Variants in SYT2 observed in about 807,000 individuals in gnomAD.
The protein encoded by SYT2 is synaptotagmin 2.
Under a neutral mutation model 39.9 loss-of-function variants are expected in SYT2, and 15 were observed. The ratio of observed to expected loss-of-function variants is 0.38; its 90% CI spans 0.25 to 0.58. SYT2 has a LOEUF of 0.58. Ranked by LOEUF, SYT2 falls within the 20% of genes least tolerant of loss-of-function variation. The probability of loss-of-function intolerance (pLI) is 0.70; values close to 1 mark genes in which losing one functional copy is unlikely to be tolerated. For missense variants in SYT2, 389 were observed against 530.3 expected (o/e 0.73, Z 2.62); for synonymous variants, 181 against 204.5 (o/e 0.89, Z 0.98).
chr1:202,641,493 T>C (rs970765477), intron 1 of SYT2, among the ~76,000 whole-genome samples: 2 of 152,184 alleles, frequency 1.3e-5, no homozygotes, highest in African/African-American at 4.8e-5. Context: ...AGCCTGTAAA[T>C]TAAACTCAGC....
rs1691265896 is a variant in SYT2, at chr1:202,623,744, C to G, written c.-17-17955G>C. On this transcript the variant is annotated intron_variant, in intron 1 of 8. Coordinates refer to ENST00000367268, the MANE Select transcript of SYT2 (RefSeq NM_177402.5). The surrounding 1 kb of genome is among the most constrained non-coding windows in gnomAD (Gnocchi z 4.2). ...GACGGGTAGGACTGTGGGGGTCTGCCCTGGTCGTGCTCCCAAGAGAGGCAC... is the reference window on the plus strand; with the variant it reads ...GACGGGTAGGACTGTGGGGGTCTGCGCTGGTCGTGCTCCCAAGAGAGGCAC... 6.6e-6 allele frequency among the ~76,000 whole-genome samples: 1 copy of G among 152,130 alleles called. No homozygotes were observed.
chr1:202,688,961 C>T (rs1034526503), intron 1 of SYT2, among the ~76,000 whole-genome samples: 1 of 152,142 alleles, frequency 6.6e-6, no homozygotes, highest in East Asian at 1.9e-4. Context: ...CTAGATGTGG[C>T]CTGCAGCTCC....
At chr1:202,685,550 C>G (rs1346017994) in intron 1 of SYT2, among the ~76,000 whole-genome samples, 1 of 152,182 alleles carries the variant, frequency 6.6e-6, no homozygotes, top group Admixed American at 6.5e-5. Flanking sequence ...GTTGACCCAG[C>G]TTCTTTCCCA....
intron 1 of SYT2, among the ~76,000 whole-genome samples, chr1:202,662,113 C>G (rs1342727842): frequency 6.6e-6 from 1 of 152,192 alleles, no homozygotes; most frequent in Non-Finnish European, 1.5e-5. Flanking sequence ...ACGGGACCCT[C>G]TGAGCAGAGT....
chr1:202,672,060 C>T (rs1022733216), intron 1 of SYT2, among the ~76,000 whole-genome samples: 4 of 152,092 alleles, frequency 2.6e-5, no homozygotes, highest in African/African-American at 9.7e-5. Flanking sequence ...GATAGGGGAA[C>T]GGCAGGTACT....
chr1:202,682,166 T>C (rs1653542545), intron 1 of SYT2, among the ~76,000 whole-genome samples: 1 of 152,178 alleles, frequency 6.6e-6, no homozygotes, highest in South Asian at 2.1e-4. Context: ...CCTGCCGTAT[T>C]TCTCCCCAGC....
At chr1:202,686,580 C>A (rs888353565) in intron 1 of SYT2, among the ~76,000 whole-genome samples, 1 of 152,152 alleles carries the variant, frequency 6.6e-6, no homozygotes, top group Admixed American at 6.5e-5. Flanking sequence ...TCAGGTCCTC[C>A]TGAGGGGCCA....
intron 1 of SYT2, among the ~76,000 whole-genome samples, chr1:202,686,434 A>G (rs1306133890): frequency 6.6e-6 from 1 of 152,182 alleles, no homozygotes; most frequent in African/African-American, 2.4e-5. Context: ...AGACAGACAG[A>G]CAGATAAGGT....
Position 202,614,767 on chromosome 1 carries a change from G to A in SYT2, c.-17-8978C>T, listed in dbSNP as rs1467875985. Among the ~76,000 whole-genome samples the A allele has an allele frequency of 2.6e-5, 4 of 152,218 alleles. No homozygotes were observed. Among genetic ancestry groups the A allele is most frequent in the Non-Finnish European group, 4.4e-5 (3 of 68,038 alleles). On this transcript the variant is annotated intron_variant, in intron 1 of 8. Transcript: ENST00000367268. The surrounding 1 kb of genome is among the most constrained non-coding windows in gnomAD (Gnocchi z 4.0). Reference sequence around the variant, plus strand: ...AGCACAGCCTATGCAAAGGCCCAGAGGTGGGATGCAGTGTGGTGAGTCCAA... The same window carrying A: ...AGCACAGCCTATGCAAAGGCCCAGAAGTGGGATGCAGTGTGGTGAGTCCAA...
At chr1:202,710,218 A>T (rs1654362215) in intron 1 of SYT2, 40 bp downstream of exon 1, 1 of 152,316 alleles carries the variant, frequency 6.6e-6, no homozygotes, top group African/African-American at 2.4e-5. Flanking sequence ...AACTTTGGAG[A>T]GGGAGGTCCG....
At chr1:202,665,064 A>G (rs1191871661) in intron 1 of SYT2, among the ~76,000 whole-genome samples, 4 of 152,166 alleles carry the variant, frequency 2.6e-5, no homozygotes, top group Non-Finnish European at 5.9e-5. Flanking sequence ...TACCTATTTA[A>G]GTTTTTAATT....
intron 1 of SYT2, among the ~76,000 whole-genome samples, chr1:202,696,274 T>C (rs987356833): frequency 6.6e-6 from 1 of 152,016 alleles, no homozygotes; most frequent in African/African-American, 2.4e-5. Flanking sequence ...GTGTAACATA[T>C]GTACCAGGTG....
At chr1:202,606,795 A>G (rs1389850832) in intron 1 of SYT2, among the ~76,000 whole-genome samples, 1 of 152,164 alleles carries the variant, frequency 6.6e-6, no homozygotes. Flanking sequence ...AAATCCCCCC[A>G]TAATTCTACC....
chr1:202,702,320 A>G (rs1055299460), intron 1 of SYT2, among the ~76,000 whole-genome samples: 27 of 152,188 alleles, frequency 1.8e-4, no homozygotes, highest in African/African-American at 6.5e-4. Context: ...CAAAGAGCTA[A>G]TCCAATTTCT....
chr1:202,631,986 C>A (rs1202093092), intron 1 of SYT2: 7 of 978,478 alleles, frequency 7.2e-6, no homozygotes, highest in Non-Finnish European at 8.5e-6. Context: ...GCAGTTTGTC[C>A]TCAAGGAGAA....
At chr1:202,683,319 T>C (rs547014495) in intron 1 of SYT2, among the ~76,000 whole-genome samples, 1 of 152,312 alleles carries the variant, frequency 6.6e-6, no homozygotes, top group Non-Finnish European at 1.5e-5. Context: ...AACAGTGGAA[T>C]GGACAAATCA....
intron 1 of SYT2, among the ~76,000 whole-genome samples, chr1:202,679,103 C>T (rs1279640680): frequency 6.6e-6 from 1 of 152,174 alleles, no homozygotes; most frequent in Non-Finnish European, 1.5e-5. Flanking sequence ...CCATCTCTCA[C>T]TCCCCTCCTA....
chr1:202,654,393 C>T (rs1692244139), intron 1 of SYT2, among the ~76,000 whole-genome samples: 2 of 152,214 alleles, frequency 1.3e-5, no homozygotes, highest in Non-Finnish European at 2.9e-5. Flanking sequence ...TACACTTAGG[C>T]CAGCCCTGTT....
At chr1:202,655,985 G>C (rs4950784) in intron 1 of SYT2, among the ~76,000 whole-genome samples, 1 of 151,942 alleles carries the variant, frequency 6.6e-6, no homozygotes, top group Non-Finnish European at 1.5e-5. Flanking sequence ...GCAGCAACAG[G>C]TGTGACCCCA....
Sources: allele counts gnomAD v4.1 joint callset (sites outside exome capture counted in the v4.1 genomes callset), GRCh38; gene constraint gnomAD v4.1.1; non-coding constraint Gnocchi (gnomAD v3.1); transcripts MANE v1.5; gene names NCBI Gene and HGNC (gene_info 2026-07-23, HGNC 2026-07-21).